The following TMCO5A variants were observed in gnomAD, a reference collection of about 807,000 sequenced individuals.
TMCO5A encodes transmembrane and coiled-coil domains 5A, also known as transmembrane and coiled-coil domain-containing protein 5A.
TMCO5A carries 34 observed loss-of-function variants against 42.3 expected under a neutral mutation model. That is an observed-to-expected ratio of 0.80 (90% CI 0.61 to 1.07). The LOEUF is 1.07. Ranked by LOEUF, TMCO5A falls within the 50% of genes least tolerant of loss-of-function variation. The pLI is 0.00. For missense variants in TMCO5A, 357 were observed against 327.9 expected (o/e 1.09, Z -0.69); for synonymous variants, 131 against 115.6 (o/e 1.13, Z -0.86).
intron 11 of TMCO5A, among the ~76,000 whole-genome samples, chr15:37,958,959 G>A (rs1342494297): frequency 6.6e-6 from 1 of 152,090 alleles, no homozygotes; most frequent in Non-Finnish European, 1.5e-5. Flanking sequence ...ATGAGTTCAT[G>A]TACTTTGCAG....
the TMCO5A span, among the ~76,000 whole-genome samples, chr15:37,985,731 G>A: frequency 6.6e-6 from 1 of 152,068 alleles, no homozygotes; most frequent in Non-Finnish European, 1.5e-5. Flanking sequence ...CAAGTAGATG[G>A]ACGTTTTGCC....
At chr15:37,940,634 G>A (rs1889698611) in intron 6 of TMCO5A, among the ~76,000 whole-genome samples, 1 of 152,060 alleles carries the variant, frequency 6.6e-6, no homozygotes, top group Admixed American at 6.6e-5. Flanking sequence ...CTGCAAGGGT[G>A]GAAAGCTGGT....
the TMCO5A span, among the ~76,000 whole-genome samples, chr15:37,986,078 A>AACTAGT: frequency 1.3e-5 from 2 of 152,164 alleles, no homozygotes; most frequent in Non-Finnish European, 2.9e-5. Context: ...TTACACAGAT[A>AACTAGT]ACTAGTACTA....
chr15:38,036,384 T>C, the TMCO5A span, among the ~76,000 whole-genome samples: 1 of 152,068 alleles, frequency 6.6e-6, no homozygotes, highest in Admixed American at 6.6e-5. Context: ...TGGTACAAAA[T>C]CAAGTCAGAA....
intron 6 of TMCO5A, 37 bp from the exon 7 acceptor site, chr15:37,941,112 A>G: frequency 6.2e-7 from 1 of 1,608,094 alleles, no homozygotes; most frequent in Non-Finnish European, 8.5e-7. Flanking sequence ...CACAGCTTTT[A>G]CCTTGCCAAG....
At chr15:37,984,428 T>C in the TMCO5A span, among the ~76,000 whole-genome samples, 832 of 152,288 alleles carry the variant, frequency 5.5e-3, 6 homozygotes, top group Middle Eastern at 0.024. Flanking sequence ...TAATATTCAA[T>C]GTTAGAATAT....
chr15:37,996,126 C>T, the TMCO5A span, among the ~76,000 whole-genome samples: 15 of 152,320 alleles, frequency 9.8e-5, no homozygotes, highest in Admixed American at 7.8e-4. Context: ...TTCTTTTCAA[C>T]TCACTGATTC....
chr15:37,942,107 A>G, intron 8 of TMCO5A, 84 bp from the exon 9 acceptor site: 2 of 1,239,556 alleles, frequency 1.6e-6, no homozygotes, highest in Non-Finnish European at 2.3e-6. Context: ...TCATGGTATC[A>G]TGTAATAACA....
intron 9 of TMCO5A, 195 bp from the exon 10 acceptor site, chr15:37,943,146 T>C (rs909453736): frequency 6.4e-6 from 3 of 466,168 alleles, no homozygotes; most frequent in Non-Finnish European, 1.1e-5. Context: ...CATATGGCAA[T>C]TGAGTACATA....
At chr15:37,944,604 A>AT (rs909802209) in intron 10 of TMCO5A, among the ~76,000 whole-genome samples, 10 of 151,698 alleles carry the variant, frequency 6.6e-5, no homozygotes, top group Admixed American at 2.6e-4. Context: ...CACAGCTCTA[A>AT]TTTTTTTTAG....
chr15:37,995,243 C>A, the TMCO5A span, among the ~76,000 whole-genome samples: 3 of 152,030 alleles, frequency 2.0e-5, no homozygotes, highest in Non-Finnish European at 4.4e-5. Flanking sequence ...AAAAAAAAAT[C>A]TTTCTCCTGT....
chr15:37,942,007 G>A (rs2140267515), intron 8 of TMCO5A, among the ~76,000 whole-genome samples, 184 bp from the exon 9 acceptor site: 2 of 152,178 alleles, frequency 1.3e-5, no homozygotes, highest in South Asian at 4.2e-4. Context: ...CCAGAAACCT[G>A]TCCAGTGGTA....
chr15:37,986,500 C>T, the TMCO5A span, among the ~76,000 whole-genome samples: 1 of 151,052 alleles, frequency 6.6e-6, no homozygotes, highest in African/African-American at 2.4e-5. Context: ...GTGTACAGTT[C>T]AGCAGCATTA....
chr15:38,037,189 G>T, the TMCO5A span, among the ~76,000 whole-genome samples: 1 of 152,174 alleles, frequency 6.6e-6, no homozygotes, highest in South Asian at 2.1e-4. Flanking sequence ...ACTGCAATAG[G>T]TGGGGCTAAT....
At chr15:38,025,162 GGTGTGTGTGTGT>G in the TMCO5A span, 28,789 of 147,394 alleles carry the variant, frequency 0.2, 2,829 homozygotes, top group South Asian at 0.28. Context: ...ACAGCTTTTG[GGTGTGTGTGTGT>G]GTGTGTGTGT....
chr15:37,976,793 C>CTTTTTTTTTTTTTTTTTTTTTTTCT, the TMCO5A span, among the ~76,000 whole-genome samples: 1 of 116,850 alleles, frequency 8.6e-6, no homozygotes, highest in Non-Finnish European at 1.7e-5. Flanking sequence ...TTTCTTCTTT[C>CTTTTTTTTTTTTTTTTTTTTTTTCT]TTTTTTTTTT....
chr15:37,995,690 C>T, the TMCO5A span, among the ~76,000 whole-genome samples: 1 of 152,132 alleles, frequency 6.6e-6, no homozygotes, highest in East Asian at 1.9e-4. Flanking sequence ...AGCACATGAT[C>T]CTTAGGATCC....
At chr15:37,944,705 G>C (rs144689822) in intron 10 of TMCO5A, among the ~76,000 whole-genome samples, 31 of 152,096 alleles carry the variant, frequency 2.0e-4, no homozygotes, top group African/African-American at 7.2e-4. Flanking sequence ...AAGTAGCTAG[G>C]ACTACAGGCA....
At position 37,949,720 on chromosome 15, in the gene TMCO5A, AT is replaced by A. The variant is rs548479107; in HGVS notation, c.669-1315del. On this transcript the variant is annotated intron_variant, in intron 11 of 11. Coordinates refer to ENST00000319669, the MANE Select transcript of TMCO5A (RefSeq NM_152453.4). The stretch of plus-strand genomic sequence containing the variant: ...AAGATGTAAATGCTAAAAAAAAAAA[AT>A]AAAAATCTTCAAAACTCTGTATTAT... Among the ~76,000 whole-genome samples the A allele has an allele frequency of 1.6e-3, 243 of 151,780 alleles. 1 individual carries two copies. Among genetic ancestry groups the A allele is most frequent in the Middle Eastern group, 3.4e-3 (1 of 294 alleles).
Sources: gnomAD v4.1 joint callset for allele counts (sites outside exome capture counted in the v4.1 genomes callset) on GRCh38, gnomAD v4.1.1 for gene constraint, MANE v1.5 for transcripts, NCBI Gene and HGNC (gene_info 2026-07-23, HGNC 2026-07-21) for gene names.